DMXL1: variants seen among roughly 807,000 people sequenced by gnomAD.
DMXL1 encodes dmX-like protein 1.
A neutral mutation model predicts 319.2 loss-of-function variants in DMXL1; 99 were observed. The ratio of observed to expected loss-of-function variants is 0.31; its 90% CI spans 0.26 to 0.37. The LOEUF is 0.37. Among genes scored for constraint, DMXL1 ranks in the 10% least tolerant of loss-of-function variants. DMXL1 has a pLI of 1.00. For missense variants in DMXL1, 3,745 were observed against 3,595.6 expected, an observed-to-expected ratio of 1.04 and a Z score of -1.06; for synonymous variants, 1,385 against 1,235.2, an observed-to-expected ratio of 1.12 and a Z score of -2.54.
chr5:119,125,937 G>GT (rs557721634), intron 9 of DMXL1, among the ~76,000 whole-genome samples: 2 of 152,066 alleles, frequency 1.3e-5, no homozygotes, highest in East Asian at 1.9e-4. Flanking sequence ...AAGCATATAG[G>GT]TTTTTTTCTT....
chr5:119,097,897 A>C (rs1353311087), intron 1 of DMXL1, 82 bp from the exon 2 acceptor site: 1 of 1,232,340 alleles, frequency 8.1e-7, no homozygotes, highest in East Asian at 2.7e-5. Context: ...CCCTGCCTTA[A>C]AACATGATAG....
intron 34 of DMXL1, 114 bp downstream of exon 34, chr5:119,207,010 C>A (rs1228750164): frequency 8.5e-6 from 5 of 585,636 alleles, no homozygotes; most frequent in Middle Eastern, 4.5e-4. Context: ...AAGTATTGTT[C>A]CCTCAAATTA....
At position 119,149,875 on chromosome 5, in the gene DMXL1, G is replaced by A; in HGVS notation, c.4048G>A (p.Val1350Ile). 1.1e-5 allele frequency: 17 copies of A among 1,613,896 alleles called. No individual in the cohort carries two copies. Among genetic ancestry groups the A allele is most frequent in the Non-Finnish European group, 1.4e-5 (17 of 1,179,900 alleles). The change falls in exon 18 of 44, where the codon GTT (valine) becomes ATT (isoleucine). Residue 1350 changes from valine to isoleucine, a missense_variant. Physicochemically the swap from Val to Ile is conservative, Grantham distance 29. Coordinates refer to ENST00000539542, the MANE Select transcript of DMXL1 (RefSeq NM_001290321.3). ...AGCCAAGGCCATCTTGTCCCATCTT[G>A]TTAAGTGCATTGCTGGGGAAGTTGT... Reference protein sequence around the residue: ...RRAKAILSHLVKCIAGEVVAL... With the variant: ...RRAKAILSHLIKCIAGEVVAL...
intron 29 of DMXL1, among the ~76,000 whole-genome samples, chr5:119,190,644 A>G (rs1407937599): frequency 6.6e-6 from 1 of 152,250 alleles, no homozygotes; most frequent in Non-Finnish European, 1.5e-5. Context: ...GTGAAATTCA[A>G]GTTGAACATA....
chr5:119,151,897 T>TA, intron 18 of DMXL1, 32 bp from the exon 19 acceptor site: 1 of 1,479,414 alleles, frequency 6.8e-7, no homozygotes, highest in Non-Finnish European at 9.4e-7. Context: ...ATTTTTTTTT[T>TA]AATACATTGC....
At chr5:119,140,796 A>G (rs1234343368) in intron 13 of DMXL1, among the ~76,000 whole-genome samples, 1 of 152,150 alleles carries the variant, frequency 6.6e-6, no homozygotes, top group Non-Finnish European at 1.5e-5. Flanking sequence ...TGGCAGACAC[A>G]CACACACAAA....
At chr5:119,071,851 G>T (rs1432447513) in intron 1 of DMXL1, among the ~76,000 whole-genome samples, 195 bp downstream of exon 1, 1 of 152,166 alleles carries the variant, frequency 6.6e-6, no homozygotes, top group Non-Finnish European at 1.5e-5. Flanking sequence ...GTACTGTATG[G>T]AGCCTGAACT....
At position 119,102,001 on chromosome 5, in the gene DMXL1, A is replaced by C. The variant is rs200572073; in HGVS notation, c.280A>C (p.Asn94His). ...AGTTAACCTACCAAAACAAAAGAAA[A>C]ATTTGGTCAGTAATTTATGATTTCT... is the stretch of plus-strand genomic sequence containing the variant. The part of the protein sequence containing the change: ...EPVNLPKQKK[N>H]LELYSQWQKS... The change falls in exon 3 of 44, where the codon AAT becomes CAT. Residue 94 changes from asparagine (N) to histidine (H), a missense_variant. This residue lies in a region of DMXL1 where 2,096 missense variants were observed against 1,985.4 expected (regional missense o/e 1.06). Transcript: ENST00000539542. The C allele has an allele frequency of 9.4e-6, 15 of 1,591,270 alleles. No homozygotes were observed. The African/African-American group carries it at 1.9e-4, about 20-fold the overall frequency.
chr5:119,107,130 A>C (rs971120634), intron 4 of DMXL1, among the ~76,000 whole-genome samples: 2 of 152,132 alleles, frequency 1.3e-5, no homozygotes, highest in African/African-American at 4.8e-5. Flanking sequence ...TGAGCCCAGG[A>C]GTTTGAGACC....
At chr5:119,132,859 G>T in intron 10 of DMXL1, 3 of 565,460 alleles carry the variant, frequency 5.3e-6, no homozygotes, top group Non-Finnish European at 9.8e-6. Context: ...TTTCATCTGT[G>T]CAAGGGCAAA....
rs1345595408 is a variant in DMXL1, at chr5:119,189,809, G to T, written c.7237G>T (p.Val2413Leu). Residue 2413 changes from valine (V) to leucine (L), a missense_variant, in exon 29 of 44, where the codon GTA becomes TTA. Transcript: ENST00000539542. The part of the protein sequence containing the change: ...SAPLTPSSAP[V>L]SQESLAVKEK... ...CCCACTGACCCCTTCCTCGGCACCA[G>T]TAAGCCAGGAGTCACTGGCGGTTAA... 13 of 1,614,116 alleles carry T rather than the reference G, an allele frequency of 8.1e-6. No homozygotes were observed. Among genetic ancestry groups the T allele is most frequent in the Non-Finnish European group, 1.1e-5 (13 of 1,179,988 alleles).
At chr5:119,198,195 G>A (rs1168183168) in intron 32 of DMXL1, among the ~76,000 whole-genome samples, 1 of 152,040 alleles carries the variant, frequency 6.6e-6, no homozygotes, top group Non-Finnish European at 1.5e-5. Context: ...CACCATGTTG[G>A]CCAGGCTGGT....
At chr5:119,224,896 G>A in intron 38 of DMXL1, 127 bp downstream of exon 38, 1 of 387,224 alleles carries the variant, frequency 2.6e-6, no homozygotes, top group Non-Finnish European at 4.8e-6. Context: ...TTTTTTTCTA[G>A]CGAATATTTG....
At chr5:119,138,510 A>G (rs4895361) in intron 13 of DMXL1, among the ~76,000 whole-genome samples, 136,140 of 152,194 alleles carry the variant, frequency 0.89, 61,155 homozygotes, top group East Asian at 0.99. Context: ...TGTGGAAGTG[A>G]ATGAGATTGC....
chr5:119,122,663 C>T (rs181486964), intron 9 of DMXL1, among the ~76,000 whole-genome samples: 123 of 148,582 alleles, frequency 8.3e-4, no homozygotes, highest in South Asian at 3.7e-3. Flanking sequence ...CCCTCCCAGA[C>T]GGGGTCGCTG....
At chr5:119,139,873 A>G (rs1322899537) in intron 13 of DMXL1, among the ~76,000 whole-genome samples, 7 of 152,240 alleles carry the variant, frequency 4.6e-5, no homozygotes, top group South Asian at 2.1e-4. Context: ...ATAATTGGAC[A>G]TAAAACAATC....
chr5:119,220,931 C>T lies in DMXL1; in HGVS notation c.8136-9C>T. On this transcript the variant is annotated splice_polypyrimidine_tract_variant and intron_variant, in intron 36 of 43. Transcript: ENST00000539542. The stretch of plus-strand genomic sequence containing the variant: ...AGTTGTTTTTATTCTGGTTGACATT[C>T]CTTTATAGATCAGAAGATTTCTTGG... 1 of 1,611,430 alleles carries T rather than the reference C, an allele frequency of 6.2e-7. No homozygotes were observed. Among genetic ancestry groups the T allele is most frequent in the Non-Finnish European group, 8.5e-7 (1 of 1,178,962 alleles).
intron 3 of DMXL1, among the ~76,000 whole-genome samples, chr5:119,102,624 T>A (rs148666187): frequency 6.6e-6 from 1 of 152,100 alleles, no homozygotes; most frequent in Non-Finnish European, 1.5e-5. Flanking sequence ...GAAACCAGCC[T>A]GGGCAAGATT....
rs780345991 is a variant in DMXL1, at chr5:119,071,609, G to A, written c.40G>A (p.Gly14Ser). The A allele has an allele frequency of 6.2e-7, 1 of 1,605,140 alleles. No homozygotes were observed. The highest frequency in any genetic ancestry group is 8.5e-7 in the Non-Finnish European group (1 of 1,176,316). Residue 14 changes from glycine to serine, a missense_variant, in exon 1 of 44, where the codon GGC (glycine) becomes AGC (serine). Gly to Ser is a moderately conservative substitution (Grantham distance 56). Transcript: ENST00000539542. ...GGTGCTGACCGGGGCTGTGAACCCT[G>A]GCGACCACTGCTTCTCCGTGGGCAG... ...HQVLTGAVNP[G>S]DHCFSVGSIG...
Sources: allele counts gnomAD v4.1 joint callset (sites outside exome capture counted in the v4.1 genomes callset), GRCh38; gene constraint gnomAD v4.1.1; regional missense constraint gnomAD v4.1.1; transcripts MANE v1.5; gene names NCBI Gene and HGNC (gene_info 2026-07-23, HGNC 2026-07-21).